The following GALNT11 variants were observed in gnomAD, a reference collection of about 807,000 sequenced individuals.
GALNT11 encodes UDP-GalNAc:polypeptide N-acetylgalactosaminyltransferase 11.
In GALNT11, 47 loss-of-function variants were observed where a neutral mutation model predicts 72.7. The ratio of observed to expected loss-of-function variants is 0.65; its 90% CI spans 0.51 to 0.82. The LOEUF (loss-of-function observed/expected upper bound fraction) is 0.82, where lower values mean the gene tolerates loss of function less well. Ranked by LOEUF, GALNT11 falls within the 40% of genes least tolerant of loss-of-function variation. GALNT11 has a pLI of 0.00. For synonymous variants in GALNT11, 270 were observed against 286.6 expected (o/e 0.94, Z 0.58); for missense variants, 677 against 778.4 (o/e 0.87, Z 1.55).
rs1017642282 is a variant in GALNT11 at position 152,030,588 on chromosome 7, C to T, written c.-39+4704C>T. ...TTGCCTCGGCACCTGGGTGGCTTGC[C>T]GCCCACAATAGGGTACACTGTTTTT... On this transcript the variant is annotated intron_variant, in intron 1 of 11. Transcript: ENST00000430044. Among the ~76,000 whole-genome samples, 8 of 152,270 alleles carry T rather than the reference C, an allele frequency of 5.3e-5. No individual in the cohort carries two copies. The East Asian group carries it at 7.7e-4, about 15-fold the overall frequency.
intron 1 of GALNT11, among the ~76,000 whole-genome samples, chr7:152,053,773 C>A (rs1387817829): frequency 6.6e-6 from 1 of 152,294 alleles, no homozygotes; most frequent in South Asian, 2.1e-4. Context: ...GTGGGAGGAT[C>A]ACTTGAGGCC....
intron 1 of GALNT11, among the ~76,000 whole-genome samples, chr7:152,044,805 C>T (rs1245688762): frequency 6.6e-6 from 1 of 151,708 alleles, no homozygotes; most frequent in East Asian, 1.9e-4. Context: ...ATTGCTCTAG[C>T]TAGGACTTCT....
intron 1 of GALNT11, among the ~76,000 whole-genome samples, chr7:152,056,898 T>C (rs1294333775): frequency 6.6e-6 from 1 of 151,474 alleles, no homozygotes; most frequent in Non-Finnish European, 1.5e-5. Context: ...GTGCAGTACA[T>C]GATCACTTGG....
chr7:152,051,465 G>T (rs1270659575), intron 1 of GALNT11, among the ~76,000 whole-genome samples: 2 of 151,916 alleles, frequency 1.3e-5, no homozygotes, highest in African/African-American at 4.8e-5. Context: ...GCTCGTGATG[G>T]ACTAGTTTTG....
intron 1 of GALNT11, among the ~76,000 whole-genome samples, chr7:152,092,529 T>C (rs565540684): frequency 1.3e-5 from 2 of 152,324 alleles, no homozygotes; most frequent in African/African-American, 4.8e-5. Context: ...TGTTTTGTTT[T>C]GGTATGTTAC....
Position 152,118,690 on chromosome 7 carries a change from C to A in GALNT11, c.1465C>A (p.Gln489Lys), listed in dbSNP as rs2089129077. 1 of 1,610,672 alleles carries A rather than the reference C, an allele frequency of 6.2e-7. No individual in the cohort carries two copies. Among genetic ancestry groups the A allele is most frequent in the Middle Eastern group, 1.7e-4 (1 of 6,050 alleles). Reference protein sequence around the residue: ...VLQRGRLYHLQTNKCLVAQGR... With the variant: ...VLQRGRLYHLKTNKCLVAQGR... ...CCTTCTCTTACAGCTCTATCACCTC[C>A]AGACCAACAAATGCCTGGTGGCCCA... The change falls in exon 10 of 12, where the codon CAG becomes AAG. Residue 489 changes from glutamine (Q) to lysine (K), a missense_variant. Physicochemically the swap from Gln to Lys is moderately conservative, Grantham distance 53 (BLOSUM62 1). Transcript: ENST00000430044.
At position 152,094,453 on chromosome 7, in the gene GALNT11, AT is replaced by A; in HGVS notation, c.228del (p.Ile76MetfsTer4). On this transcript the variant is annotated frameshift_variant, in exon 2 of 12. Transcript: ENST00000430044. LOFTEE classifies it high-confidence loss of function. The surrounding 1 kb of genome is among the most constrained non-coding windows in gnomAD (Gnocchi z 4.3). ...CGAGCCACAGTTCAAAGCAAACAAA[AT>A]TGACGATGTGATAGACAGTCGTGTT... Reference protein sequence around the residue: ...VLEPQFKANKIDDVIDSRVED... With the variant: ...VLEPQFKANKXDDVIDSRVED... 1 of 1,614,162 alleles carries A rather than the reference AT, an allele frequency of 6.2e-7. No homozygotes were observed. The highest frequency in any genetic ancestry group is 2.2e-5 in the East Asian group (1 of 44,880).
intron 8 of GALNT11, among the ~76,000 whole-genome samples, chr7:152,115,953 G>A (rs554856935): frequency 2.6e-5 from 4 of 152,154 alleles, no homozygotes; most frequent in Non-Finnish European, 5.9e-5. Flanking sequence ...CTACTCAGGA[G>A]GCTGAGGCAG....
At chr7:152,059,043 A>G (rs1285557891) in intron 1 of GALNT11, among the ~76,000 whole-genome samples, 1 of 152,168 alleles carries the variant, frequency 6.6e-6, no homozygotes, top group Non-Finnish European at 1.5e-5. Flanking sequence ...AGTTCTGGCA[A>G]ATGTGGAATA....
intron 1 of GALNT11, among the ~76,000 whole-genome samples, chr7:152,090,797 C>A (rs768957671): frequency 9.8e-5 from 15 of 152,288 alleles, no homozygotes; most frequent in Non-Finnish European, 1.5e-4. Context: ...CTCCTCGTTG[C>A]TCTTCCTGCT....
intron 8 of GALNT11, among the ~76,000 whole-genome samples, chr7:152,114,085 G>C (rs2088582612): frequency 6.6e-6 from 1 of 151,736 alleles, no homozygotes; most frequent in Admixed American, 6.6e-5. Flanking sequence ...TTTACTCATT[G>C]GACTTCGTGG....
chr7:152,107,960 G>A (rs975549542), intron 5 of GALNT11, 78 bp from the exon 6 acceptor site: 10 of 1,511,856 alleles, frequency 6.6e-6, no homozygotes, highest in Non-Finnish European at 7.2e-6. Context: ...GTGTCAGCGC[G>A]TCATCCCATT....
chr7:152,088,374 A>T (rs998483970), intron 1 of GALNT11, among the ~76,000 whole-genome samples: 1 of 152,180 alleles, frequency 6.6e-6, no homozygotes, highest in African/African-American at 2.4e-5. Context: ...CTCCATTGAT[A>T]AAACCATTTG....
At chr7:152,084,536 C>T (rs2085523106) in intron 1 of GALNT11, among the ~76,000 whole-genome samples, 1 of 151,960 alleles carries the variant, frequency 6.6e-6, no homozygotes, top group South Asian at 2.1e-4. Flanking sequence ...CTTTTGTTGG[C>T]GTGTTGAGTA....
At chr7:152,058,876 T>C (rs1165098529) in intron 1 of GALNT11, among the ~76,000 whole-genome samples, 1 of 152,196 alleles carries the variant, frequency 6.6e-6, no homozygotes, top group Non-Finnish European at 1.5e-5. Flanking sequence ...CAAGAAACCA[T>C]TTATTTGCAC....
intron 6 of GALNT11, 72 bp from the exon 7 acceptor site, chr7:152,110,452 CTGAG>C (rs1307678500): frequency 4.1e-6 from 4 of 977,620 alleles, no homozygotes; most frequent in Admixed American, 2.2e-5. Flanking sequence ...CAAAATGACA[CTGAG>C]TATTTTAAAC....
chr7:152,061,564 A>C (rs2084019142), intron 1 of GALNT11, among the ~76,000 whole-genome samples: 1 of 152,158 alleles, frequency 6.6e-6, no homozygotes, highest in African/African-American at 2.4e-5. Context: ...CTATGTCCTG[A>C]ATGGTATTGC....
chr7:152,057,418 T>A (rs1587054806), intron 1 of GALNT11, among the ~76,000 whole-genome samples: 1 of 151,810 alleles, frequency 6.6e-6, no homozygotes, highest in East Asian at 1.9e-4. Context: ...GCTATTCTCT[T>A]GTCTCAGCCT....
chr7:152,060,728 G>GT (rs1203123874), intron 1 of GALNT11, among the ~76,000 whole-genome samples: 1 of 151,762 alleles, frequency 6.6e-6, no homozygotes, highest in African/African-American at 2.4e-5. Context: ...GCGGTGTTTG[G>GT]TTTTTTGTCC....
Sources: gnomAD v4.1 joint callset for allele counts (sites outside exome capture counted in the v4.1 genomes callset) on GRCh38, gnomAD v4.1.1 for gene constraint, Gnocchi (gnomAD v3.1) non-coding constraint, MANE v1.5 for transcripts, NCBI Gene and HGNC (gene_info 2026-07-23, HGNC 2026-07-21) for gene names.